The following ATF6 variants were observed in gnomAD, a reference collection of about 807,000 sequenced individuals.
ATF6 encodes cyclic AMP-dependent transcription factor ATF-6 alpha.
Under a neutral mutation model 83.6 loss-of-function variants are expected in ATF6, and 53 were observed. The observed-to-expected ratio is 0.63, with a 90% CI of 0.51 to 0.80. ATF6 has a LOEUF of 0.80. ATF6 is among the 30% of genes least tolerant of loss of function. The probability of loss-of-function intolerance (pLI) is 0.00; values close to 1 mark genes in which losing one functional copy is unlikely to be tolerated. For missense variants in ATF6, 744 were observed against 797.9 expected, an observed-to-expected ratio of 0.93 and a Z score of 0.81; for synonymous variants, 288 against 285.8, an observed-to-expected ratio of 1.01 and a Z score of -0.08.
chr1:161,845,532 C>G (rs932087466), intron 9 of ATF6, among the ~76,000 whole-genome samples: 3 of 152,098 alleles, frequency 2.0e-5, no homozygotes, highest in Admixed American at 2.0e-4. Flanking sequence ...CTTTGGGAGG[C>G]CAAGGTGGGA....
At chr1:161,956,228 T>C (rs1688962982) in intron 15 of ATF6, among the ~76,000 whole-genome samples, 1 of 152,196 alleles carries the variant, frequency 6.6e-6, no homozygotes, top group Admixed American at 6.5e-5. Context: ...ATTAGTAATG[T>C]GTATTGCATG....
At chr1:161,862,391 T>C (rs1686904184) in intron 13 of ATF6, among the ~76,000 whole-genome samples, 1 of 152,208 alleles carries the variant, frequency 6.6e-6, no homozygotes, top group South Asian at 2.1e-4. Context: ...CCTTTAACTC[T>C]TCCAGATATT....
intron 14 of ATF6, among the ~76,000 whole-genome samples, chr1:161,873,195 G>A (rs1168179843): frequency 6.6e-6 from 1 of 151,518 alleles, no homozygotes; most frequent in African/African-American, 2.4e-5. Context: ...GATATCAAAA[G>A]TCTTTTAAAT....
intron 9 of ATF6, among the ~76,000 whole-genome samples, chr1:161,832,828 G>T (rs1330795890): frequency 1.3e-5 from 2 of 152,200 alleles, no homozygotes; most frequent in Non-Finnish European, 2.9e-5. Flanking sequence ...CACCTCTAGG[G>T]GCAGGGCACA....
chr1:161,940,464 T>C (rs1688619933), intron 15 of ATF6, among the ~76,000 whole-genome samples: 2 of 152,084 alleles, frequency 1.3e-5, no homozygotes, highest in South Asian at 4.1e-4. Context: ...CCTCATGACT[T>C]GATGTATTTA....
chr1:161,952,251 A>G (rs1025312110), intron 15 of ATF6, among the ~76,000 whole-genome samples: 14 of 151,876 alleles, frequency 9.2e-5, no homozygotes, highest in African/African-American at 3.4e-4. Context: ...TCCCCACCCC[A>G]GTTTCTTACT....
intron 7 of ATF6, among the ~76,000 whole-genome samples, chr1:161,816,151 G>GT (rs1571156448): frequency 1.3e-5 from 2 of 152,180 alleles, no homozygotes; most frequent in East Asian, 1.9e-4. Flanking sequence ...CAGCTGTAGA[G>GT]TTTTTTCTTT....
chr1:161,949,761 G>T (rs187004138), intron 15 of ATF6, among the ~76,000 whole-genome samples: 41 of 152,176 alleles, frequency 2.7e-4, no homozygotes, highest in African/African-American at 9.9e-4. Flanking sequence ...TCAAGAACTC[G>T]CTCACCCCTG....
chr1:161,905,712 GCC>G (rs1687865904), intron 14 of ATF6, among the ~76,000 whole-genome samples: 2 of 152,116 alleles, frequency 1.3e-5, no homozygotes, highest in African/African-American at 2.4e-5. Context: ...AGTTTCAGAG[GCC>G]CTAACTTATT....
intron 7 of ATF6, among the ~76,000 whole-genome samples, chr1:161,814,585 T>C (rs1685563680): frequency 6.6e-6 from 1 of 152,256 alleles, no homozygotes; most frequent in South Asian, 2.1e-4. Context: ...GTTGCCAGTA[T>C]GAAGCTTCTT....
intron 14 of ATF6, among the ~76,000 whole-genome samples, chr1:161,880,313 T>G (rs1415161998): frequency 6.6e-6 from 1 of 150,756 alleles, no homozygotes; most frequent in Non-Finnish European, 1.5e-5. Context: ...ACACCACATT[T>G]TATGTGTGAT....
At chr1:161,906,502 G>A (rs1365174260) in intron 14 of ATF6, among the ~76,000 whole-genome samples, 2 of 152,272 alleles carry the variant, frequency 1.3e-5, no homozygotes, top group East Asian at 3.9e-4. Flanking sequence ...TAATAAAAGG[G>A]GAGGCAGGGT....
chr1:161,786,042 G>A lies in ATF6; in HGVS notation c.354+1946G>A, dbSNP rs192781763. On this transcript the variant is annotated intron_variant, in intron 4 of 15. Transcript: ENST00000367942. ...GGCTGGGGTGCAATGGCATGATCTC[G>A]GCTCACTGCAACCTCCGCCTCCTGG... Among the ~76,000 whole-genome samples, 352 of 150,166 alleles carry A rather than the reference G, an allele frequency of 2.3e-3. 3 individuals are homozygous for A. Among genetic ancestry groups the A allele is most frequent in the African/African-American group, 8.4e-3 (340 of 40,698 alleles).
chr1:161,773,655 T>A (rs1223093321), intron 1 of ATF6, among the ~76,000 whole-genome samples: 1 of 152,106 alleles, frequency 6.6e-6, no homozygotes, highest in East Asian at 1.9e-4. Context: ...AAGGAGTAAA[T>A]GAATAAATAA....
At chr1:161,872,920 G>A (rs1687147815) in intron 14 of ATF6, among the ~76,000 whole-genome samples, 1 of 151,362 alleles carries the variant, frequency 6.6e-6, no homozygotes, top group Non-Finnish European at 1.5e-5. Flanking sequence ...ATAGGGATAG[G>A]GTATAAGGTA....
intron 6 of ATF6, 50 bp downstream of exon 6, chr1:161,792,377 G>T: frequency 1.3e-6 from 2 of 1,518,944 alleles, no homozygotes; most frequent in Non-Finnish European, 1.8e-6. Context: ...AGGGCAGTAA[G>T]GGTTGTGTCA....
intron 15 of ATF6, among the ~76,000 whole-genome samples, chr1:161,938,616 T>C (rs1057197758): frequency 5.3e-5 from 8 of 152,200 alleles, no homozygotes; most frequent in Non-Finnish European, 1.0e-4. Context: ...TTTTTTAAGT[T>C]GTAGGCACTG....
At chr1:161,874,966 G>A (rs1300411763) in intron 14 of ATF6, among the ~76,000 whole-genome samples, 1 of 151,658 alleles carries the variant, frequency 6.6e-6, no homozygotes, top group Non-Finnish European at 1.5e-5. Context: ...ACCAAACTGA[G>A]CGATAAGAGA....
At chr1:161,894,412 A>C (rs1687625771) in intron 14 of ATF6, among the ~76,000 whole-genome samples, 1 of 151,596 alleles carries the variant, frequency 6.6e-6, no homozygotes, top group Non-Finnish European at 1.5e-5. Flanking sequence ...GAAGAGTCTT[A>C]AAGTTCTTAA....
Sources: allele counts gnomAD v4.1 joint callset (sites outside exome capture counted in the v4.1 genomes callset), GRCh38; gene constraint gnomAD v4.1.1; transcripts MANE v1.5; gene names NCBI Gene and HGNC (gene_info 2026-07-23, HGNC 2026-07-21).